The following CLEC16A variants were observed in gnomAD, a reference collection of about 807,000 sequenced individuals.
The protein encoded by CLEC16A is C-type lectin domain containing 16A.
In CLEC16A, 51 loss-of-function variants were observed where a neutral mutation model predicts 109.5. The observed-to-expected ratio is 0.47, with a 90% confidence interval of 0.37 to 0.59. The LOEUF (loss-of-function observed/expected upper bound fraction) is 0.59, where lower values mean the gene tolerates loss of function less well. Among genes scored for constraint, CLEC16A ranks in the 20% least tolerant of loss-of-function variants. The probability of loss-of-function intolerance (pLI) is 0.00; values close to 1 mark genes in which losing one functional copy is unlikely to be tolerated. For synonymous variants in CLEC16A, 673 were observed against 564.2 expected, an observed-to-expected ratio of 1.19 and a Z score of -2.73; for missense variants, 1,339 against 1,394.0, an observed-to-expected ratio of 0.96 and a Z score of 0.63.
At chr16:11,157,766 C>T (rs113449793) in intron 22 of CLEC16A, among the ~76,000 whole-genome samples, 1,942 of 152,288 alleles carry the variant, frequency 0.013, 45 homozygotes, top group African/African-American at 0.045. Flanking sequence ...TTCCTCAGCC[C>T]CCAACACGTG....
intron 13 of CLEC16A, among the ~76,000 whole-genome samples, chr16:11,036,936 C>G (rs1008083863): frequency 6.6e-6 from 1 of 152,188 alleles, no homozygotes; most frequent in Non-Finnish European, 1.5e-5. Context: ...AAGCAGTGCT[C>G]AAACTAAAAA....
At position 10,986,727 on chromosome 16, in the gene CLEC16A, CTCAA is replaced by C. The variant is rs898935764; in HGVS notation, c.1071+3738_1071+3741del. On this transcript the variant is annotated intron_variant, in intron 10 of 23. Coordinates refer to ENST00000409790, the MANE Select transcript of CLEC16A (RefSeq NM_015226.3). Reference sequence around the variant, plus strand: ...TATATCAGAATTTATTTCTTTAAGGCTCAATGTGTGTGTGTGTGTGTGTGTGTGT... The same window carrying C: ...TATATCAGAATTTATTTCTTTAAGGCTGTGTGTGTGTGTGTGTGTGTGTGT... Among the ~76,000 whole-genome samples, 417 of 50,590 alleles carry C rather than the reference CTCAA, an allele frequency of 8.2e-3. 3 individuals carry two copies. Among genetic ancestry groups the C allele is most frequent in the Non-Finnish European group, 8.3e-3 (222 of 26,750 alleles). 33.2% of individuals were successfully genotyped at this position (50,590 alleles called of 152,430 possible).
chr16:10,970,982 A>G (rs977827998), intron 4 of CLEC16A, 143 bp from the exon 5 acceptor site: 13 of 608,760 alleles, frequency 2.1e-5, no homozygotes, highest in Non-Finnish European at 3.7e-5. Context: ...GGAATGAACC[A>G]CTGACTTACG....
intron 18 of CLEC16A, among the ~76,000 whole-genome samples, chr16:11,055,524 G>A (rs950220491): frequency 1.3e-5 from 2 of 149,292 alleles, no homozygotes; most frequent in African/African-American, 2.5e-5. Flanking sequence ...TGGTGGTAGC[G>A]CTTTGCAGGC....
chr16:11,070,710 G>T (rs7200940), intron 19 of CLEC16A: 1 of 151,982 alleles, frequency 6.6e-6, no homozygotes, highest in African/African-American at 2.4e-5. Flanking sequence ...GGCTTATTAT[G>T]TGACACCACC....
intron 3 of CLEC16A, among the ~76,000 whole-genome samples, chr16:10,965,573 T>C (rs1013181174): frequency 6.6e-6 from 1 of 152,250 alleles, no homozygotes; most frequent in African/African-American, 2.4e-5. Context: ...CTATTTAACC[T>C]GACCACGGGC....
At chr16:11,023,031 G>C (rs2046209038) in intron 12 of CLEC16A, among the ~76,000 whole-genome samples, 1 of 149,718 alleles carries the variant, frequency 6.7e-6, no homozygotes, top group African/African-American at 2.4e-5. Flanking sequence ...AGCATAAAGG[G>C]GGAAAAAGTC....
rs1184924468 is a variant in CLEC16A, at chr16:11,125,792, G to A, written c.2474-187G>A. On this transcript the variant is annotated intron_variant, in intron 21 of 23. Coordinates refer to ENST00000409790, the MANE Select transcript of CLEC16A (RefSeq NM_015226.3). The stretch of plus-strand genomic sequence containing the variant: ...CTCACTTGGCTTCCGCTTGTGCGTT[G>A]AGCCTCAGTGGGAACTTTGATGTTC... Among the ~76,000 whole-genome samples, 3 of 152,110 alleles carry A rather than the reference G, an allele frequency of 2.0e-5. No individual in the cohort carries two copies. The South Asian group carries it at 6.2e-4, about 32-fold the overall frequency.
At chr16:11,118,907 C>T (rs1321559236) in intron 19 of CLEC16A, among the ~76,000 whole-genome samples, 2 of 152,168 alleles carry the variant, frequency 1.3e-5, no homozygotes, top group Non-Finnish European at 2.9e-5. Context: ...CTTTCCCCAG[C>T]GTATGTTCTT....
At chr16:11,170,242 C>T (rs999571459) in intron 23 of CLEC16A, among the ~76,000 whole-genome samples, 12 of 152,182 alleles carry the variant, frequency 7.9e-5, no homozygotes, top group Non-Finnish European at 1.2e-4. Context: ...CGGCCCCACT[C>T]GTGAAGGCCT....
At chr16:10,982,820 A>C in intron 9 of CLEC16A, 58 bp from the exon 10 acceptor site, 1 of 998,124 alleles carries the variant, frequency 1.0e-6, no homozygotes, top group Non-Finnish European at 1.6e-6. Context: ...TCCAGGAAGC[A>C]AGAGGTTGAA....
At chr16:11,043,913 A>G (rs1307379442) in intron 15 of CLEC16A, 115 bp from the exon 16 acceptor site, 1 of 664,164 alleles carries the variant, frequency 1.5e-6, no homozygotes, top group Non-Finnish European at 2.5e-6. Context: ...TTATACATTA[A>G]GGATATTAGT....
chr16:11,104,505 T>C (rs376899273), intron 19 of CLEC16A, among the ~76,000 whole-genome samples: 5 of 152,294 alleles, frequency 3.3e-5, no homozygotes, highest in African/African-American at 1.2e-4. Flanking sequence ...GAGAATACCC[T>C]GGGCCAGGAT....
At chr16:11,152,098 G>T (rs1314077154) in intron 22 of CLEC16A, among the ~76,000 whole-genome samples, 2 of 152,218 alleles carry the variant, frequency 1.3e-5, no homozygotes, top group African/African-American at 4.8e-5. Flanking sequence ...AGCACAGCAA[G>T]GGCCAGCTTA....
At chr16:11,122,654 G>C (rs1041128417) in intron 20 of CLEC16A, among the ~76,000 whole-genome samples, 1 of 152,132 alleles carries the variant, frequency 6.6e-6, no homozygotes, top group Non-Finnish European at 1.5e-5. Context: ...ATCTTCCTCT[G>C]TGAGCCTTTT....
chr16:11,138,834 C>A (rs1380826187), intron 22 of CLEC16A, among the ~76,000 whole-genome samples: 1 of 152,170 alleles, frequency 6.6e-6, no homozygotes, highest in African/African-American at 2.4e-5. Flanking sequence ...CAGTCCCCTA[C>A]TGATGGATGT....
intron 19 of CLEC16A, among the ~76,000 whole-genome samples, chr16:11,090,493 C>T (rs1350327094): frequency 6.6e-6 from 1 of 152,146 alleles, no homozygotes; most frequent in East Asian, 1.9e-4. Flanking sequence ...TGCAGCATTG[C>T]CGGGGAGCCT....
Position 11,178,850 on chromosome 16 carries a change from A to G in CLEC16A, c.*160A>G. 4 of 570,520 alleles carry G rather than the reference A, an allele frequency of 7.0e-6. No homozygotes were observed. Among genetic ancestry groups the G allele is most frequent in the Non-Finnish European group, 1.2e-5 (4 of 331,598 alleles). The allele number at this position is 570,520 out of a possible 1,614,324, so 35.3% of individuals were successfully genotyped here. A position where few individuals can be genotyped will look rare whatever the true frequency, so the allele number is the denominator to read the frequency against. ...GCTCCCTTGAATGGGAAGAAGCCCC[A>G]CGTTGTCCTTGAATTCCTTTTTCAC... On this transcript the variant is annotated 3_prime_UTR_variant, in exon 24 of 24. Transcript: ENST00000409790. The surrounding 1 kb of genome is among the most constrained non-coding windows in gnomAD (Gnocchi z 6.5).
At chr16:11,050,168 G>A (rs2047863204) in intron 17 of CLEC16A, among the ~76,000 whole-genome samples, 1 of 152,208 alleles carries the variant, frequency 6.6e-6, no homozygotes, top group Admixed American at 6.5e-5. Flanking sequence ...CAGAGCAAGA[G>A]GGAACAGAAC....
Sources: gnomAD v4.1 joint callset for allele counts (sites outside exome capture counted in the v4.1 genomes callset) on GRCh38, gnomAD v4.1.1 for gene constraint, Gnocchi (gnomAD v3.1) non-coding constraint, MANE v1.5 for transcripts, NCBI Gene and HGNC (gene_info 2026-07-23, HGNC 2026-07-21) for gene names.